Variants in CADM2 observed in about 807,000 individuals in gnomAD.
The protein encoded by CADM2 is immunoglobulin superfamily member 4D.
In CADM2, 12 loss-of-function variants were observed where a neutral mutation model predicts 49.8. The observed-to-expected ratio is 0.24, with a 90% CI of 0.15 to 0.39. The LOEUF (loss-of-function observed/expected upper bound fraction) is 0.39. Among genes scored for constraint, CADM2 ranks in the 10% least tolerant of loss-of-function variants. The probability of loss-of-function intolerance (pLI) is 1.00; values close to 1 mark genes in which losing one functional copy is unlikely to be tolerated. For missense variants in CADM2, 378 were observed against 492.3 expected (o/e 0.77, Z 2.20); for synonymous variants, 214 against 175.4 (o/e 1.22, Z -1.74).
intron 1 of CADM2, among the ~76,000 whole-genome samples, chr3:84,974,962 A>G (rs1192684704): frequency 5.3e-5 from 8 of 151,876 alleles, no homozygotes. Flanking sequence ...AATGCTGCAA[A>G]TATGTGATCT....
intron 1 of CADM2, among the ~76,000 whole-genome samples, chr3:85,195,419 G>A (rs1383488798): frequency 1.3e-5 from 2 of 151,938 alleles, no homozygotes; most frequent in African/African-American, 4.8e-5. Context: ...GGTAAAACCT[G>A]GGTACTATGA....
intron 3 of CADM2, among the ~76,000 whole-genome samples, chr3:85,823,000 G>A (rs2073683524): frequency 6.6e-6 from 1 of 152,080 alleles, no homozygotes. Context: ...TTCATTCCTT[G>A]CAATCAGTAG....
At chr3:85,662,757 T>G (rs1234289454) in intron 1 of CADM2, among the ~76,000 whole-genome samples, 1 of 152,086 alleles carries the variant, frequency 6.6e-6, no homozygotes, top group Non-Finnish European at 1.5e-5. Context: ...TAACACTTCC[T>G]CCTCTATAGT....
intron 3 of CADM2, among the ~76,000 whole-genome samples, chr3:85,866,312 T>A (rs2075718955): frequency 6.6e-6 from 1 of 152,174 alleles, no homozygotes; most frequent in South Asian, 2.1e-4. Flanking sequence ...CCCACCCTGT[T>A]AACTGAGTCC....
intron 1 of CADM2, among the ~76,000 whole-genome samples, chr3:84,961,549 GCT>G (rs991830844): frequency 6.6e-6 from 1 of 152,112 alleles, no homozygotes; most frequent in African/African-American, 2.4e-5. Flanking sequence ...TTTAATCCGC[GCT>G]GAGACAATCT....
chr3:85,031,486 A>G (rs1448009466), intron 1 of CADM2, among the ~76,000 whole-genome samples: 9 of 151,878 alleles, frequency 5.9e-5, no homozygotes, highest in Non-Finnish European at 8.8e-5. Context: ...TGATTTTTCT[A>G]TCTTCAGATA....
At chr3:85,442,105 A>G (rs887635456) in intron 1 of CADM2, among the ~76,000 whole-genome samples, 6 of 152,088 alleles carry the variant, frequency 3.9e-5, no homozygotes, top group African/African-American at 1.4e-4. Context: ...GATTTTGTCC[A>G]CACAATATTA....
intron 1 of CADM2, among the ~76,000 whole-genome samples, chr3:85,659,663 G>A (rs975058115): frequency 1.3e-5 from 2 of 152,020 alleles, no homozygotes; most frequent in African/African-American, 2.4e-5. Flanking sequence ...TTCAACATGT[G>A]GATTAGAAAT....
At chr3:85,577,453 C>A (rs905130685) in intron 1 of CADM2, among the ~76,000 whole-genome samples, 5 of 152,110 alleles carry the variant, frequency 3.3e-5, no homozygotes, top group Admixed American at 3.3e-4. Flanking sequence ...TCTTGCCCTT[C>A]CTCCTTCTGC....
chr3:85,813,392 GTTGT>G (rs1308462094), intron 3 of CADM2, among the ~76,000 whole-genome samples: 2 of 152,096 alleles, frequency 1.3e-5, no homozygotes, highest in Admixed American at 6.6e-5. Context: ...TTTTGATGGG[GTTGT>G]TTGTTTTTTT....
intron 1 of CADM2, among the ~76,000 whole-genome samples, chr3:85,349,297 A>T (rs1343587398): frequency 6.6e-6 from 1 of 152,168 alleles, no homozygotes; most frequent in Non-Finnish European, 1.5e-5. Context: ...GCTTAAAGTG[A>T]TATTTCTTAC....
rs539866739 is a variant in CADM2 at position 86,056,916 on chromosome 3, A to AT, written c.971-8687dup. Among the ~76,000 whole-genome samples the AT allele has an allele frequency of 1.7e-3, 265 of 152,300 alleles. 2 individuals are homozygous for AT. Among genetic ancestry groups the AT allele is most frequent in the African/African-American group, 6.0e-3 (250 of 41,566 alleles). On this transcript the variant is annotated intron_variant, in intron 8 of 9. Transcript: ENST00000383699. ...CACTAAATACATTCTGAGAGGAAAG[A>AT]TTAAGTTTTGTGTTTGCTTGGATTT...
At chr3:85,449,087 A>G (rs2037628105) in intron 1 of CADM2, among the ~76,000 whole-genome samples, 1 of 148,942 alleles carries the variant, frequency 6.7e-6, no homozygotes, top group Admixed American at 6.7e-5. Flanking sequence ...GATAAAAATT[A>G]TATAATTCAT....
intron 1 of CADM2, among the ~76,000 whole-genome samples, chr3:85,634,059 A>C (rs2107529477): frequency 6.6e-6 from 1 of 152,150 alleles, no homozygotes; most frequent in East Asian, 1.9e-4. Context: ...TCTTTAGGTG[A>C]GAGGTAAATC....
At chr3:85,867,602 A>G (rs2075771471) in intron 3 of CADM2, among the ~76,000 whole-genome samples, 1 of 152,092 alleles carries the variant, frequency 6.6e-6, no homozygotes, top group African/African-American at 2.4e-5. Flanking sequence ...GCTGTAATGA[A>G]TATCTACATC....
At chr3:85,093,577 G>A (rs1240927749) in intron 1 of CADM2, among the ~76,000 whole-genome samples, 3 of 151,758 alleles carry the variant, frequency 2.0e-5, no homozygotes, top group Non-Finnish European at 2.9e-5. Flanking sequence ...ATTTATATGA[G>A]ATTTGTAAGC....
chr3:85,572,360 C>T (rs2062504505), intron 1 of CADM2, among the ~76,000 whole-genome samples: 1 of 152,004 alleles, frequency 6.6e-6, no homozygotes, highest in Non-Finnish European at 1.5e-5. Context: ...ATATATGAGG[C>T]ATAAAAGTTT....
intron 3 of CADM2, among the ~76,000 whole-genome samples, chr3:85,832,861 G>A (rs956330599): frequency 6.6e-6 from 1 of 151,918 alleles, no homozygotes; most frequent in Non-Finnish European, 1.5e-5. Flanking sequence ...AGTGGTGAGA[G>A]TGGGCATCCT....
At chr3:85,915,019 G>T (rs575196038) in intron 6 of CADM2, among the ~76,000 whole-genome samples, 2 of 152,004 alleles carry the variant, frequency 1.3e-5, no homozygotes, top group Non-Finnish European at 1.5e-5. Flanking sequence ...GTTATTCCAC[G>T]CCACAGTCAC....
Sources: gnomAD v4.1 joint callset for allele counts (sites outside exome capture counted in the v4.1 genomes callset) on GRCh38, gnomAD v4.1.1 for gene constraint, MANE v1.5 for transcripts, NCBI Gene and HGNC (gene_info 2026-07-23, HGNC 2026-07-21) for gene names.